Variants in EPHA6 observed in about 807,000 individuals in gnomAD.
The protein encoded by EPHA6 is EPH receptor A6, also known as ephrin type-A receptor 6.
Under a neutral mutation model 112.0 loss-of-function variants are expected in EPHA6, and 50 were observed. The observed-to-expected ratio is 0.45, with a 90% CI of 0.36 to 0.56. The LOEUF (loss-of-function observed/expected upper bound fraction) is 0.56. Ranked by LOEUF, EPHA6 falls within the 20% of genes least tolerant of loss-of-function variation. The probability of loss-of-function intolerance (pLI) is 0.00; values close to 1 mark genes in which losing one functional copy is unlikely to be tolerated. For missense variants in EPHA6, 1,280 were observed against 1,417.4 expected (o/e 0.90, Z 1.56); for synonymous variants, 529 against 490.7 (o/e 1.08, Z -1.03).
intron 2 of EPHA6, among the ~76,000 whole-genome samples, chr3:96,936,201 C>A (rs576991964): frequency 6.6e-6 from 1 of 151,950 alleles, no homozygotes. Flanking sequence ...TATGGCAATA[C>A]GTCATTTTAG....
chr3:97,740,194 C>G (rs1002446994), intron 16 of EPHA6, among the ~76,000 whole-genome samples: 14 of 152,120 alleles, frequency 9.2e-5, no homozygotes, highest in African/African-American at 3.4e-4. Flanking sequence ...TCTGCATTGT[C>G]TTCAACCCTC....
chr3:96,831,089 C>T (rs2034043445), intron 1 of EPHA6, among the ~76,000 whole-genome samples: 1 of 151,770 alleles, frequency 6.6e-6, no homozygotes, highest in African/African-American at 2.4e-5. Flanking sequence ...TTTTATATTC[C>T]TTCGATATTT....
chr3:97,487,472 C>T (rs897628290), intron 10 of EPHA6, among the ~76,000 whole-genome samples: 1 of 152,192 alleles, frequency 6.6e-6, no homozygotes, highest in African/African-American at 2.4e-5. Context: ...GCCACTTAAT[C>T]ATTTCATATT....
chr3:96,837,357 CA>C (rs1435044108), intron 1 of EPHA6, among the ~76,000 whole-genome samples: 1 of 152,018 alleles, frequency 6.6e-6, no homozygotes, highest in African/African-American at 2.4e-5. Context: ...GAGGGGTCAG[CA>C]AGGCTTCTCA....
chr3:97,688,990 T>A (rs527985463), intron 14 of EPHA6, among the ~76,000 whole-genome samples: 16 of 152,298 alleles, frequency 1.1e-4, no homozygotes, highest in African/African-American at 3.8e-4. Flanking sequence ...AAATGCTCAA[T>A]ATAGTTTTAC....
At chr3:97,286,076 G>A (rs1559852361) in intron 5 of EPHA6, among the ~76,000 whole-genome samples, 1 of 152,096 alleles carries the variant, frequency 6.6e-6, no homozygotes, top group Non-Finnish European at 1.5e-5. Context: ...TTTTGAATGA[G>A]ATAATTTGGT....
At chr3:97,229,699 T>G (rs1559813868) in intron 4 of EPHA6, among the ~76,000 whole-genome samples, 1 of 152,164 alleles carries the variant, frequency 6.6e-6, no homozygotes, top group Non-Finnish European at 1.5e-5. Flanking sequence ...CTAATGCAGT[T>G]CATAGATTTG....
chr3:97,711,006 T>C (rs1292540931), intron 14 of EPHA6, among the ~76,000 whole-genome samples: 1 of 152,232 alleles, frequency 6.6e-6, no homozygotes, highest in East Asian at 1.9e-4. Flanking sequence ...AGATGGTGTA[T>C]CAGTCAGCGA....
intron 14 of EPHA6, chr3:97,646,062 C>T (rs993569670): frequency 2.3e-6 from 3 of 1,325,756 alleles, no homozygotes; most frequent in African/African-American, 1.5e-5. Context: ...CTATCCTTTT[C>T]TAATCAAAAT....
chr3:97,733,784 C>G (rs989471153), intron 15 of EPHA6, among the ~76,000 whole-genome samples: 2 of 151,762 alleles, frequency 1.3e-5, no homozygotes, highest in Admixed American at 6.6e-5. Flanking sequence ...TTTTATTTAC[C>G]CAGAATATTA....
intron 14 of EPHA6, among the ~76,000 whole-genome samples, chr3:97,678,819 A>G (rs1208978418): frequency 6.6e-6 from 1 of 152,166 alleles, no homozygotes; most frequent in Non-Finnish European, 1.5e-5. Flanking sequence ...GATTGTCCTG[A>G]AATAGTTTTA....
intron 3 of EPHA6, among the ~76,000 whole-genome samples, chr3:97,034,638 C>T (rs2045013218): frequency 6.6e-6 from 1 of 151,848 alleles, no homozygotes; most frequent in Admixed American, 6.6e-5. Context: ...TTTTCCTTTA[C>T]CTGATTGCTT....
At chr3:97,520,898 G>A (rs1332566563) in intron 10 of EPHA6, among the ~76,000 whole-genome samples, 1 of 151,864 alleles carries the variant, frequency 6.6e-6, no homozygotes, top group African/African-American at 2.4e-5. Flanking sequence ...ATTTTTTATT[G>A]TTTTATCTTT....
chr3:97,626,118 T>A lies in EPHA6; in HGVS notation c.2575-11755T>A, dbSNP rs1032880480. Among the ~76,000 whole-genome samples the A allele has an allele frequency of 2.0e-5, 3 of 151,672 alleles. No individual in the cohort carries two copies. In the East Asian group the frequency reaches 5.8e-4, roughly 29 times the overall value. Reference sequence around the variant, plus strand: ...AAAATGCTGGACCATGAAGAGCAAGTTCTACTACTGTTTTTTTAAGGCCCC... The same window carrying A: ...AAAATGCTGGACCATGAAGAGCAAGATCTACTACTGTTTTTTTAAGGCCCC... On this transcript the variant is annotated intron_variant, in intron 13 of 17. Coordinates refer to ENST00000389672, the MANE Select transcript of EPHA6 (RefSeq NM_001080448.3).
chr3:97,264,865 C>A (rs1253180323), intron 5 of EPHA6, among the ~76,000 whole-genome samples: 2 of 152,156 alleles, frequency 1.3e-5, no homozygotes, highest in Non-Finnish European at 2.9e-5. Flanking sequence ...CATTGGGACA[C>A]CCTGGCTATG....
At chr3:97,379,498 C>A (rs1323457402) in intron 5 of EPHA6, among the ~76,000 whole-genome samples, 1 of 151,622 alleles carries the variant, frequency 6.6e-6, no homozygotes, top group Non-Finnish European at 1.5e-5. Flanking sequence ...CGACTGTAAT[C>A]CCAACACTTT....
intron 3 of EPHA6, among the ~76,000 whole-genome samples, chr3:97,007,569 T>A (rs979202745): frequency 6.6e-6 from 1 of 152,188 alleles, no homozygotes; most frequent in Non-Finnish European, 1.5e-5. Context: ...AAATCACCAG[T>A]CTGTATCTTT....
chr3:97,177,297 A>G (rs543596435), intron 3 of EPHA6, among the ~76,000 whole-genome samples: 2 of 152,066 alleles, frequency 1.3e-5, no homozygotes, highest in Admixed American at 6.6e-5. Flanking sequence ...GACCTAACAT[A>G]TGGCCTATCC....
intron 5 of EPHA6, among the ~76,000 whole-genome samples, chr3:97,300,183 A>G (rs570612318): frequency 2.6e-5 from 4 of 152,188 alleles, no homozygotes; most frequent in Non-Finnish European, 5.9e-5. Context: ...TTATCACAAA[A>G]ATCTAAACTG....
Sources: allele counts gnomAD v4.1 joint callset (sites outside exome capture counted in the v4.1 genomes callset), GRCh38; gene constraint gnomAD v4.1.1; transcripts MANE v1.5; gene names NCBI Gene and HGNC (gene_info 2026-07-23, HGNC 2026-07-21).